The following UBAP2 variants were observed in gnomAD, a reference collection of about 807,000 sequenced individuals.
The protein encoded by UBAP2 is ubiquitin associated protein 2, also known as ubiquitin-associated protein 2.
UBAP2 carries 75 observed loss-of-function variants against 139.6 expected under a neutral mutation model. The ratio of observed to expected loss-of-function variants is 0.54; its 90% CI spans 0.45 to 0.65. The LOEUF (loss-of-function observed/expected upper bound fraction) is 0.65. Ranked by LOEUF, UBAP2 falls within the 30% of genes least tolerant of loss-of-function variation. The pLI, the probability that UBAP2 is intolerant of heterozygous loss-of-function variation, is 0.00. For missense variants in UBAP2, 1,368 were observed against 1,369.6 expected (o/e 1.00, Z 0.02); for synonymous variants, 526 against 526.2 (o/e 1.00, Z 0.01).
intron 7 of UBAP2, 68 bp downstream of exon 7, chr9:33,973,115 T>C: frequency 7.1e-7 from 1 of 1,410,650 alleles, no homozygotes; most frequent in Non-Finnish European, 1.0e-6. Context: ...ATGTAGGGTA[T>C]TAGAAGCAAC....
chr9:34,018,853 A>C (rs1307120857), intron 1 of UBAP2, among the ~76,000 whole-genome samples: 1 of 139,612 alleles, frequency 7.2e-6, no homozygotes, highest in East Asian at 2.1e-4. Context: ...ACAGAGCAAG[A>C]CTCCGTCTCA....
At chr9:33,926,081 G>A (rs932760989) in intron 22 of UBAP2, among the ~76,000 whole-genome samples, 4 of 152,208 alleles carry the variant, frequency 2.6e-5, no homozygotes, top group African/African-American at 9.7e-5. Flanking sequence ...CACCAGGGAC[G>A]TCCCAGGGCA....
intron 6 of UBAP2, among the ~76,000 whole-genome samples, chr9:33,982,165 C>T (rs1564045397): frequency 6.6e-6 from 1 of 152,154 alleles, no homozygotes; most frequent in Middle Eastern, 3.2e-3. Context: ...TGCCAGCAGC[C>T]AGCAGCCCCT....
rs893613647 is a variant in UBAP2, at chr9:33,922,291, C to A, written c.*213G>T. 2 of 565,282 alleles carry A rather than the reference C, an allele frequency of 3.5e-6. No individual in the cohort carries two copies. The highest frequency in any genetic ancestry group is 6.3e-6 in the Non-Finnish European group (2 of 318,570). 35.0% of individuals were successfully genotyped at this position (565,282 alleles called of 1,614,324 possible). A position where few individuals can be genotyped will look rare whatever the true frequency, so the allele number is the denominator to read the frequency against. Reference sequence around the variant, plus strand: ...AGACCTGGCTAACATCTGCCGCCATCCCCCAACTCCCCCCCAGACTTCTAT... The same window carrying A: ...AGACCTGGCTAACATCTGCCGCCATACCCCAACTCCCCCCCAGACTTCTAT... On this transcript the variant is annotated 3_prime_UTR_variant, in exon 29 of 29. Transcript: ENST00000379238.
intron 9 of UBAP2, among the ~76,000 whole-genome samples, chr9:33,962,863 C>T (rs779628071): frequency 1.7e-4 from 25 of 150,716 alleles, no homozygotes; most frequent in Non-Finnish European, 2.7e-4. Context: ...CTGTAAATCC[C>T]GGCTACTTGG....
At chr9:33,974,306 A>C (rs1828132864) in intron 6 of UBAP2, among the ~76,000 whole-genome samples, 1 of 152,020 alleles carries the variant, frequency 6.6e-6, no homozygotes. Flanking sequence ...TCAGGAGTTC[A>C]AGACCAGCTT....
intron 1 of UBAP2, 150 bp from the exon 2 acceptor site, chr9:34,017,339 G>A: frequency 2.1e-6 from 1 of 469,220 alleles, no homozygotes; most frequent in Non-Finnish European, 3.7e-6. Flanking sequence ...ACATTTTGCT[G>A]GTATCTGTTA....
intron 2 of UBAP2, among the ~76,000 whole-genome samples, chr9:34,008,591 C>A (rs1203872791): frequency 6.6e-6 from 1 of 150,384 alleles, no homozygotes; most frequent in East Asian, 2.0e-4. Flanking sequence ...GTAATAAAAT[C>A]AAAATGCAAC....
At chr9:33,953,217 A>G in intron 12 of UBAP2, 68 bp downstream of exon 12, 1 of 1,372,938 alleles carries the variant, frequency 7.3e-7, no homozygotes, top group Non-Finnish European at 1.0e-6. Flanking sequence ...AGCATGTATC[A>G]TATTCTAGAA....
Position 33,948,487 on chromosome 9 carries a change from C to T in UBAP2, c.1157G>A (p.Gly386Asp), listed in dbSNP as rs1489471862. The part of the protein sequence containing the change: ...ILDQLKAPSL[G>D]QFTTTPSTQQ... ...TGTACTTGGGGTGGTGGTAAACTGG[C>T]CCAAACTCGGAGCTTTCAACTGGTC... The change falls in exon 13 of 29, where the codon GGC becomes GAC. Residue 386 changes from glycine (G) to aspartate (D), a missense_variant. Coordinates refer to ENST00000379238, the MANE Select transcript of UBAP2 (RefSeq NM_001370062.2). The T allele has an allele frequency of 6.2e-7, 1 of 1,614,074 alleles. No individual in the cohort carries two copies. The highest frequency in any genetic ancestry group is 1.7e-5 in the Admixed American group (1 of 60,006).
At chr9:33,943,830 GC>G (rs1825437235) in intron 14 of UBAP2, among the ~76,000 whole-genome samples, 1 of 152,140 alleles carries the variant, frequency 6.6e-6, no homozygotes, top group Non-Finnish European at 1.5e-5. Context: ...ACTTTGGGAG[GC>G]CAAGACAGGA....
At chr9:33,947,981 CA>C (rs34296980) in intron 13 of UBAP2, among the ~76,000 whole-genome samples, 23,105 of 80,740 alleles carry the variant, frequency 0.29, 1,732 homozygotes, top group South Asian at 0.4. Flanking sequence ...GACCCCATCT[CA>C]AAAAAAAAAA....
At chr9:33,935,675 A>G in intron 17 of UBAP2, 164 bp downstream of exon 17, 2 of 746,574 alleles carry the variant, frequency 2.7e-6, no homozygotes, top group South Asian at 3.1e-5. Context: ...GACATTTCTA[A>G]TAACACCACA....
intron 8 of UBAP2, among the ~76,000 whole-genome samples, chr9:33,966,456 G>A (rs976864235): frequency 2.6e-5 from 4 of 151,100 alleles, no homozygotes; most frequent in East Asian, 1.9e-4. Context: ...ACTCCATCTC[G>A]AAAAAAAATA....
chr9:33,993,232 G>C (rs16935334), intron 4 of UBAP2, among the ~76,000 whole-genome samples: 1 of 152,150 alleles, frequency 6.6e-6, no homozygotes, highest in Non-Finnish European at 1.5e-5. Context: ...ACAGAGGAAG[G>C]TTAGATAATA....
intron 17 of UBAP2, among the ~76,000 whole-genome samples, chr9:33,933,854 A>G (rs1424552138): frequency 2.0e-5 from 3 of 152,242 alleles, no homozygotes; most frequent in Non-Finnish European, 4.4e-5. Context: ...AAGATGCAGC[A>G]AAGAATAGGA....
chr9:34,023,186 A>C (rs1262354248), intron 1 of UBAP2, among the ~76,000 whole-genome samples: 1 of 150,192 alleles, frequency 6.7e-6, no homozygotes, highest in Admixed American at 6.8e-5. Flanking sequence ...AGATCGCACC[A>C]CTCCACTCCA....
At chr9:34,024,855 G>A (rs969986860) in intron 1 of UBAP2, among the ~76,000 whole-genome samples, 1 of 151,948 alleles carries the variant, frequency 6.6e-6, no homozygotes, top group East Asian at 1.9e-4. Context: ...GTGGTGGCGT[G>A]AGCCTGTAAT....
chr9:34,018,465 C>A, intron 1 of UBAP2, among the ~76,000 whole-genome samples: 1 of 151,482 alleles, frequency 6.6e-6, no homozygotes, highest in Non-Finnish European at 1.5e-5. Context: ...AAAAAAAAAT[C>A]AAAAACTAAA....
Sources: allele counts gnomAD v4.1 joint callset (sites outside exome capture counted in the v4.1 genomes callset), GRCh38; gene constraint gnomAD v4.1.1; transcripts MANE v1.5; gene names NCBI Gene and HGNC (gene_info 2026-07-23, HGNC 2026-07-21).